Variants in AKAP12 observed in about 807,000 individuals in gnomAD.
AKAP12 encodes the protein A-kinase anchoring protein 12.
Under a neutral mutation model 79.9 loss-of-function variants are expected in AKAP12, and 32 were observed. The observed-to-expected ratio is 0.40, with a 90% CI of 0.30 to 0.54. The LOEUF is 0.54. Among genes scored for constraint, AKAP12 ranks in the 20% least tolerant of loss-of-function variants. The pLI, the probability that AKAP12 is intolerant of heterozygous loss-of-function variation, is 0.48. For missense variants in AKAP12, 2,074 were observed against 2,177.0 expected (o/e 0.95, Z 0.94); for synonymous variants, 808 against 857.0 (o/e 0.94, Z 1.00).
At position 151,337,511 on chromosome 6, in the gene AKAP12, C is replaced by CG. The variant is rs1562746009; in HGVS notation, c.320-11199dup. Among the ~76,000 whole-genome samples, 256 of 52,058 alleles carry CG rather than the reference C, an allele frequency of 4.9e-3. 2 individuals carry two copies. The African/African-American group carries it at 0.078, about 16-fold the overall frequency. The allele number at this position is 52,058 out of a possible 152,430, so 34.2% of individuals were successfully genotyped here. The stretch of plus-strand genomic sequence containing the variant: ...GGCTGGGCAATAAGAGTTTCCGTCT[C>CG]GAAAAAAAAAAAAAAAGAAAGAAAG... On this transcript the variant is annotated intron_variant, in intron 3 of 4. Transcript: ENST00000402676.
In AKAP12 at chr6:151,352,837, A is replaced by G. The variant is rs764135610; in HGVS notation, c.4446A>G (p.Lys1482=). The change falls in exon 4 of 5, where the codon AAA becomes AAG. Residue 1482 remains lysine, a synonymous_variant. Transcript: ENST00000402676. ...CCACAGGGCCCGACTGTCAGGCAAAATCGACACCAGTGATAGTATCTGCTA... is the reference window on the plus strand; with the variant it reads ...CCACAGGGCCCGACTGTCAGGCAAAGTCGACACCAGTGATAGTATCTGCTA... ...AVPTGPDCQA[K]STPVIVSATT... 9.9e-6 allele frequency: 16 copies of G among 1,614,104 alleles called. No homozygotes were observed. Among genetic ancestry groups the G allele is most frequent in the Non-Finnish European group, 1.4e-5 (16 of 1,180,054 alleles).
At chr6:151,309,442 A>C (rs1427112006) in intron 3 of AKAP12, among the ~76,000 whole-genome samples, 2 of 152,200 alleles carry the variant, frequency 1.3e-5, no homozygotes, top group African/African-American at 4.8e-5. Flanking sequence ...GGCCATTCCT[A>C]CTGGAGGGTT....
intron 2 of AKAP12, among the ~76,000 whole-genome samples, chr6:151,286,549 T>A (rs910730649): frequency 2.0e-5 from 3 of 152,240 alleles, no homozygotes; most frequent in Admixed American, 1.3e-4. Context: ...GTCACTCACA[T>A]GTGAATATTG....
rs151181273 is a variant in AKAP12 at position 151,287,988 on chromosome 6, C to T, written c.163-17759C>T. 1.9e-3 allele frequency among the ~76,000 whole-genome samples: 293 copies of T among 151,916 alleles called. 2 individuals are homozygous for T. The highest frequency in any genetic ancestry group is 0.01 in the South Asian group (48 of 4,798). Reference sequence around the variant, plus strand: ...AACAGAAAACCAAACACCACATGTTCTCACTCATACGTAGGAGTTGAACAA... The same window carrying T: ...AACAGAAAACCAAACACCACATGTTTTCACTCATACGTAGGAGTTGAACAA... On this transcript the variant is annotated intron_variant, in intron 2 of 4. Transcript: ENST00000402676.
chr6:151,240,803 T>G, intron 2 of AKAP12, 79 bp downstream of exon 2: 4 of 968,096 alleles, frequency 4.1e-6, no homozygotes, highest in Non-Finnish European at 3.9e-6. Context: ...GTCCCTCCGA[T>G]TTCCGCCGAG....
intron 3 of AKAP12, among the ~76,000 whole-genome samples, chr6:151,328,648 A>G (rs1333917983): frequency 6.6e-6 from 1 of 152,118 alleles, no homozygotes; most frequent in Non-Finnish European, 1.5e-5. Flanking sequence ...AAAAAAAAAA[A>G]AAAAATTAAA....
chr6:151,331,116 C>T (rs1777655137), intron 3 of AKAP12, among the ~76,000 whole-genome samples: 1 of 152,130 alleles, frequency 6.6e-6, no homozygotes, highest in Admixed American at 6.5e-5. Context: ...TTCAGTAATT[C>T]TTGGCCCAAG....
intron 3 of AKAP12, among the ~76,000 whole-genome samples, chr6:151,318,437 T>C (rs941959976): frequency 2.6e-5 from 4 of 152,236 alleles, no homozygotes; most frequent in African/African-American, 9.6e-5. Context: ...GTTGAGTATG[T>C]TCAAATACCT....
intron 2 of AKAP12, among the ~76,000 whole-genome samples, chr6:151,276,845 G>A (rs1275256865): frequency 6.6e-6 from 1 of 152,166 alleles, no homozygotes; most frequent in Non-Finnish European, 1.5e-5. Flanking sequence ...TGATTTATCT[G>A]TTTAGTAGTA....
chr6:151,308,789 T>C lies in AKAP12; in HGVS notation c.319+2886T>C, dbSNP rs78468810. ...CAGATGATAATTAATAGCCTGACAA[T>C]GTAAATACAGACAGAATCTTCGTGT... On this transcript the variant is annotated intron_variant, in intron 3 of 4. Transcript: ENST00000402676. Among the ~76,000 whole-genome samples, 59 of 152,338 alleles carry C rather than the reference T, an allele frequency of 3.9e-4. No homozygotes were observed. In the East Asian group the frequency reaches 9.1e-3, roughly 23 times the overall value.
At chr6:151,279,331 A>C (rs1271810258) in intron 2 of AKAP12, among the ~76,000 whole-genome samples, 1 of 152,146 alleles carries the variant, frequency 6.6e-6, no homozygotes, top group Non-Finnish European at 1.5e-5. Context: ...ATGCTTGGCA[A>C]GTAACATTCT....
chr6:151,283,428 T>C (rs1025000684), intron 2 of AKAP12, among the ~76,000 whole-genome samples: 2 of 152,174 alleles, frequency 1.3e-5, no homozygotes, highest in African/African-American at 4.8e-5. Flanking sequence ...AAAAGAGTAT[T>C]ATCAAGTAAA....
intron 2 of AKAP12, 59 bp downstream of exon 2, chr6:151,240,783 G>T: frequency 2.7e-6 from 3 of 1,128,300 alleles, no homozygotes; most frequent in African/African-American, 2.0e-5. Context: ...GTGGGGGTGG[G>T]GGTGGGGGGG....
intron 3 of AKAP12, chr6:151,341,566 C>G (rs1485014097): frequency 1.2e-5 from 5 of 411,154 alleles, no homozygotes; most frequent in South Asian, 3.6e-5. Flanking sequence ...GCTGGCTTCC[C>G]GGGCCCAGGC....
Position 151,349,184 on chromosome 6 carries a change from T to C in AKAP12, c.793T>C (p.Cys265Arg), listed in dbSNP as rs1778203095. 4 of 1,612,468 alleles carry C rather than the reference T, an allele frequency of 2.5e-6. No individual in the cohort carries two copies. The East Asian group carries it at 8.9e-5, about 36-fold the overall frequency. ...PAESGQAVEECKEEGEEKQEK... is the reference protein window; with the variant it reads ...PAESGQAVEERKEEGEEKQEK... The stretch of plus-strand genomic sequence containing the variant: ...CGAATCTGGCCAAGCAGTGGAGGAA[T>C]GCAAAGAGGAAGGAGAAGAGAAACA... Residue 265 changes from cysteine (C) to arginine (R), a missense_variant, in exon 4 of 5, where the codon TGC (cysteine) becomes CGC (arginine). Cys to Arg is a radical substitution (Grantham distance 180). Transcript: ENST00000402676.
intron 3 of AKAP12, among the ~76,000 whole-genome samples, chr6:151,321,460 TCTTTCA>T (rs1777385082): frequency 6.6e-6 from 1 of 151,940 alleles, no homozygotes; most frequent in Non-Finnish European, 1.5e-5. Context: ...GTGACTAGCT[TCTTTCA>T]CTTAAAGTTT....
At chr6:151,324,698 G>C in intron 3 of AKAP12, 1 of 985,386 alleles carries the variant, frequency 1.0e-6, no homozygotes, top group Non-Finnish European at 1.2e-6. Flanking sequence ...AATAGGGAAA[G>C]GATGAAAGAA....
At chr6:151,329,018 A>G (rs1043487306) in intron 3 of AKAP12, among the ~76,000 whole-genome samples, 1 of 152,098 alleles carries the variant, frequency 6.6e-6, no homozygotes, top group African/African-American at 2.4e-5. Flanking sequence ...TTTCTCTCAC[A>G]TCTCATTTGC....
chr6:151,280,845 G>A (rs934867679), intron 2 of AKAP12, among the ~76,000 whole-genome samples: 2 of 151,704 alleles, frequency 1.3e-5, no homozygotes, highest in African/African-American at 2.4e-5. Flanking sequence ...GATACTTTAC[G>A]GAATACTCAC....
Sources: allele counts gnomAD v4.1 joint callset (sites outside exome capture counted in the v4.1 genomes callset), GRCh38; gene constraint gnomAD v4.1.1; transcripts MANE v1.5; gene names NCBI Gene and HGNC (gene_info 2026-07-23, HGNC 2026-07-21).